The following OSBPL5 variants were observed in gnomAD, a reference collection of about 807,000 sequenced individuals.
OSBPL5 encodes the protein oxysterol binding protein like 5.
In OSBPL5, 71 loss-of-function variants were observed where a neutral mutation model predicts 111.2. The ratio of observed to expected loss-of-function variants is 0.64; its 90% CI spans 0.53 to 0.78. The LOEUF (loss-of-function observed/expected upper bound fraction) is 0.78. Ranked by LOEUF, OSBPL5 falls within the 30% of genes least tolerant of loss-of-function variation. The pLI, the probability that OSBPL5 is intolerant of heterozygous loss-of-function variation, is 0.00. For missense variants in OSBPL5, 1,210 were observed against 1,189.3 expected (o/e 1.02, Z -0.26); for synonymous variants, 549 against 513.9 (o/e 1.07, Z -0.93).
rs770375927 is a variant in OSBPL5 at position 3,092,871 on chromosome 11, C to T, written c.2128G>A (p.Glu710Lys). Residue 710 changes from glutamate (E) to lysine (K), a missense_variant, in exon 18 of 22, where the codon GAG (glutamate) becomes AAG (lysine). Transcript: ENST00000263650. The surrounding 1 kb of genome is among the most constrained non-coding windows in gnomAD (Gnocchi z 5.4). ...PITQEWHYRYEDHSPWDPLKD... is the reference protein window; with the variant it reads ...PITQEWHYRYKDHSPWDPLKD... The stretch of plus-strand genomic sequence containing the variant: ...CAGGGCTTTGTCGGCACTCACTCCT[C>T]GTATCGGTAGTGCCACTCCTGGGTG... 31 of 1,537,910 alleles carry T rather than the reference C, an allele frequency of 2.0e-5. No homozygotes were observed. The highest frequency in any genetic ancestry group is 7.3e-5 in the East Asian group (3 of 41,106).
chr11:3,145,195 C>A (rs760515875), intron 1 of OSBPL5, among the ~76,000 whole-genome samples: 2 of 152,214 alleles, frequency 1.3e-5, no homozygotes, highest in African/African-American at 2.4e-5. Flanking sequence ...CAACTTGCCC[C>A]ACTGCCTCCC....
chr11:3,138,553 A>C (rs546656036), intron 1 of OSBPL5, among the ~76,000 whole-genome samples: 2 of 152,344 alleles, frequency 1.3e-5, no homozygotes, highest in East Asian at 3.9e-4. Context: ...TCACACTGGA[A>C]ATAAGACATG....
intron 1 of OSBPL5, among the ~76,000 whole-genome samples, chr11:3,131,699 T>TATCCATCCATCCATCCTCCCATCCATCC (rs1554902689): frequency 3.0e-4 from 24 of 79,130 alleles, no homozygotes; most frequent in African/African-American, 9.3e-4. Context: ...CCCATTCATC[T>TATCCATCCATCCATCCTCCCATCCATCC]ATCCATCCAT....
intron 7 of OSBPL5, among the ~76,000 whole-genome samples, chr11:3,117,255 T>C (rs1354541452): frequency 6.6e-6 from 1 of 152,200 alleles, no homozygotes; most frequent in African/African-American, 2.4e-5. Context: ...TCATACCTCA[T>C]CTACACAGTC....
chr11:3,089,714 G>A (rs1337450538), intron 21 of OSBPL5, 132 bp downstream of exon 21: 17 of 775,594 alleles, frequency 2.2e-5, no homozygotes, highest in South Asian at 3.2e-5. Flanking sequence ...CACCCTGCAG[G>A]TCTTGTGGGT....
rs564856432 is a variant in OSBPL5, at chr11:3,109,926, C to G, written c.692-1981G>C. Among the ~76,000 whole-genome samples, 21 of 152,310 alleles carry G rather than the reference C, an allele frequency of 1.4e-4. No homozygotes were observed. The highest frequency in any genetic ancestry group is 3.3e-4 in the Admixed American group (5 of 15,302). The stretch of plus-strand genomic sequence containing the variant: ...CAGGGGCTGCAGACACCTCTCCTCC[C>G]GAATGGTGGCCCACACCCTATCAGG... On this transcript the variant is annotated intron_variant, in intron 7 of 21. Coordinates refer to ENST00000263650, the MANE Select transcript of OSBPL5 (RefSeq NM_020896.4). This position sits in a 1 kb window ranked among gnomAD's most constrained non-coding sequence, Gnocchi z 7.4.
In OSBPL5 at chr11:3,109,017, C is replaced by T. The variant is rs1857814137; in HGVS notation, c.692-1072G>A. 6.6e-6 allele frequency among the ~76,000 whole-genome samples: 1 copy of T among 152,130 alleles called. No individual in the cohort carries two copies. Among genetic ancestry groups the T allele is most frequent in the Admixed American group, 6.5e-5 (1 of 15,284 alleles). ...TCCCGACCTCAGGTGATCTGCCTGCCTTGGCCTCCCAAAGTGCTGGGATTA... is the reference window on the plus strand; with the variant it reads ...TCCCGACCTCAGGTGATCTGCCTGCTTTGGCCTCCCAAAGTGCTGGGATTA... On this transcript the variant is annotated intron_variant, in intron 7 of 21. Coordinates refer to ENST00000263650, the MANE Select transcript of OSBPL5 (RefSeq NM_020896.4). The surrounding 1 kb of genome is among the most constrained non-coding windows in gnomAD (Gnocchi z 7.4).
At chr11:3,124,443 G>A (rs116476651) in intron 3 of OSBPL5, among the ~76,000 whole-genome samples, 1 of 152,174 alleles carries the variant, frequency 6.6e-6, no homozygotes, top group Non-Finnish European at 1.5e-5. Flanking sequence ...CAGAGAAGGT[G>A]TCCTAAGTTG....
At chr11:3,150,782 T>C (rs1846554815) in intron 1 of OSBPL5, among the ~76,000 whole-genome samples, 1 of 151,968 alleles carries the variant, frequency 6.6e-6, no homozygotes, top group Non-Finnish European at 1.5e-5. Context: ...AAAAACCCCC[T>C]GCTCCCTAGA....
rs1857829071 is a variant in OSBPL5 at position 3,109,338 on chromosome 11, A to C, written c.692-1393T>G. ...CAAGTGATCTGCGTCGGCCTCCCAA[A>C]GTGCTGGGATTACAGGTGTGAGCCA... On this transcript the variant is annotated intron_variant, in intron 7 of 21. Transcript: ENST00000263650. This position sits in a 1 kb window ranked among gnomAD's most constrained non-coding sequence, Gnocchi z 7.4. Among the ~76,000 whole-genome samples, 2 of 151,962 alleles carry C rather than the reference A, an allele frequency of 1.3e-5. No individual in the cohort carries two copies. Among genetic ancestry groups the C allele is most frequent in the Non-Finnish European group, 2.9e-5 (2 of 67,988 alleles).
rs564246824 is a variant in OSBPL5, at chr11:3,087,993, G to A, written c.*212C>T. 41 of 438,576 alleles carry A rather than the reference G, an allele frequency of 9.3e-5. No homozygotes were observed. Among genetic ancestry groups the A allele is most frequent in the Non-Finnish European group, 9.6e-5 (24 of 251,076 alleles). 27.2% of individuals were successfully genotyped at this position (438,576 alleles called of 1,614,324 possible). ...TTTAGCATTAAGGCCAGCGCTGGGC[G>A]GAAGGCCCTGCAGAGAGGCCAGTGC... On this transcript the variant is annotated 3_prime_UTR_variant, in exon 22 of 22. Transcript: ENST00000263650.
intron 12 of OSBPL5, 110 bp from the exon 13 acceptor site, chr11:3,101,809 C>T: frequency 3.4e-6 from 3 of 870,206 alleles, no homozygotes; most frequent in Non-Finnish European, 5.4e-6. Flanking sequence ...GCCACATCTT[C>T]TCCCCCGATC....
In OSBPL5 at chr11:3,093,765, G is replaced by A. The variant is rs140160487; in HGVS notation, c.1790C>T (p.Ala597Val). The change falls in exon 16 of 22, where the codon GCG becomes GTG. Residue 597 changes from alanine to valine, a missense_variant. By Grantham distance (64) the Ala-to-Val change is moderately conservative. Coordinates refer to ENST00000263650, the MANE Select transcript of OSBPL5 (RefSeq NM_020896.4). ...CCTTACCCAGTGGCCACTGAGGCTC[G>A]CCAGGACTTCCTCTCCCGACGTGAT... ...GKITSGEEVLASLSGHWDRDV... is the reference protein window; with the variant it reads ...GKITSGEEVLVSLSGHWDRDV... 5.6e-6 allele frequency: 9 copies of A among 1,612,776 alleles called. No individual in the cohort carries two copies. Among genetic ancestry groups the A allele is most frequent in the African/African-American group, 5.3e-5 (4 of 74,924 alleles).
At chr11:3,098,256 G>A (rs570386488) in intron 14 of OSBPL5, among the ~76,000 whole-genome samples, 3 of 151,490 alleles carry the variant, frequency 2.0e-5, no homozygotes, top group South Asian at 2.1e-4. Context: ...TAAGAGATAC[G>A]ATGGAAACAT....
intron 1 of OSBPL5, among the ~76,000 whole-genome samples, chr11:3,150,210 T>A (rs12286343): frequency 0.06 from 9,107 of 152,168 alleles, 688 homozygotes; most frequent in African/African-American, 0.17. Context: ...TCTGAGCCAG[T>A]ACAAAAAGGC....
rs1056612980 is a variant in OSBPL5, at chr11:3,121,150, C to T, written c.403-526G>A. On this transcript the variant is annotated intron_variant, in intron 5 of 21. Coordinates refer to ENST00000263650, the MANE Select transcript of OSBPL5 (RefSeq NM_020896.4). The surrounding 1 kb of genome is among the most constrained non-coding windows in gnomAD (Gnocchi z 4.3). Reference sequence around the variant, plus strand: ...TTGGCTCGCTGCAAACTCTGCCTCCCAGGTTCAAGCGATTCTCCTGCCTCA... The same window carrying T: ...TTGGCTCGCTGCAAACTCTGCCTCCTAGGTTCAAGCGATTCTCCTGCCTCA... Among the ~76,000 whole-genome samples, 10 of 151,408 alleles carry T rather than the reference C, an allele frequency of 6.6e-5. No homozygotes were observed. The highest frequency in any genetic ancestry group is 1.0e-4 in the Non-Finnish European group (7 of 67,876).
At chr11:3,112,075 A>ATG (rs137958534) in intron 7 of OSBPL5, among the ~76,000 whole-genome samples, 77,314 of 135,470 alleles carry the variant, frequency 0.57, 21,940 homozygotes, top group East Asian at 0.79. Context: ...GTGTGTGTGC[A>ATG]TGTGTGTGTG....
chr11:3,102,047 G>A, intron 12 of OSBPL5, 136 bp downstream of exon 12: 3 of 811,844 alleles, frequency 3.7e-6, no homozygotes, highest in Admixed American at 2.4e-5. Flanking sequence ...CCCTTCCGGT[G>A]TGCAGGATGT....
At position 3,126,695 on chromosome 11, in the gene OSBPL5, G is replaced by A. The variant is rs1858640649; in HGVS notation, c.137-140C>T. 3 of 616,364 alleles carry A rather than the reference G, an allele frequency of 4.9e-6. No individual in the cohort carries two copies. The highest frequency in any genetic ancestry group is 5.6e-6 in the Non-Finnish European group (2 of 358,750). 38.2% of individuals were successfully genotyped at this position (616,364 alleles called of 1,614,324 possible). On this transcript the variant is annotated intron_variant, in intron 2 of 21. Transcript: ENST00000263650. This position sits in a 1 kb window ranked among gnomAD's most constrained non-coding sequence, Gnocchi z 6.5. ...GGAAGTCAGCCGGAGGTGGTGGCAGGAACAGGACACTGCCTGAGAGGTGTA... is the reference window on the plus strand; with the variant it reads ...GGAAGTCAGCCGGAGGTGGTGGCAGAAACAGGACACTGCCTGAGAGGTGTA...
Sources: gnomAD v4.1 joint callset for allele counts (sites outside exome capture counted in the v4.1 genomes callset) on GRCh38, gnomAD v4.1.1 for gene constraint, Gnocchi (gnomAD v3.1) non-coding constraint, MANE v1.5 for transcripts, NCBI Gene and HGNC (gene_info 2026-07-23, HGNC 2026-07-21) for gene names.